LPP: variants seen among roughly 807,000 people sequenced by gnomAD.
LPP encodes LIM domain containing preferred translocation partner in lipoma.
A neutral mutation model predicts 60.4 loss-of-function variants in LPP; 38 were observed. The ratio of observed to expected loss-of-function variants is 0.63; its 90% CI spans 0.49 to 0.83. The LOEUF (loss-of-function observed/expected upper bound fraction) is 0.83. LPP is among the 40% of genes least tolerant of loss of function. The probability of loss-of-function intolerance (pLI) is 0.00; values close to 1 mark genes in which losing one functional copy is unlikely to be tolerated. For missense variants in LPP, 902 were observed against 783.6 expected (o/e 1.15, Z -1.80); for synonymous variants, 328 against 290.8 (o/e 1.13, Z -1.30).
chr3:188,720,454 A>G (rs886703159), intron 8 of LPP, among the ~76,000 whole-genome samples: 4 of 152,212 alleles, frequency 2.6e-5, no homozygotes, highest in Non-Finnish European at 4.4e-5. Flanking sequence ...TACTTGTGCC[A>G]TATAAAATGC....
chr3:188,386,180 T>C (rs1024279960), intron 3 of LPP, among the ~76,000 whole-genome samples: 2 of 151,352 alleles, frequency 1.3e-5, no homozygotes, highest in Non-Finnish European at 2.9e-5. Flanking sequence ...AAATAGGAAA[T>C]GATCTCACCA....
chr3:188,570,339 C>G (rs1414105040), intron 6 of LPP, among the ~76,000 whole-genome samples: 3 of 152,010 alleles, frequency 2.0e-5, no homozygotes, highest in Admixed American at 1.3e-4. Flanking sequence ...TTAAACTTCT[C>G]TCTCCTGGAA....
At chr3:188,227,406 C>T (rs142754553) in intron 2 of LPP, among the ~76,000 whole-genome samples, 2,419 of 134,348 alleles carry the variant, frequency 0.018, 55 homozygotes, top group African/African-American at 0.061. Flanking sequence ...TCTCATTGTT[C>T]AGTTCCCACC....
chr3:188,627,517 GTAAACCAACAATGA>G (rs1847064174), intron 7 of LPP, among the ~76,000 whole-genome samples: 1 of 152,008 alleles, frequency 6.6e-6, no homozygotes. Context: ...AAAACAGACT[GTAAACCAACAATGA>G]TTCAAAAGGA....
Position 188,659,778 on chromosome 3 carries a change from C to A in LPP, c.1114-48489C>A, listed in dbSNP as rs1222932337. ...TAGCTTATTCCATTTTCATTTTATA[C>A]TATTAGTTCTCCTTGTGGGGTTAGA... is the stretch of plus-strand genomic sequence containing the variant. On this transcript the variant is annotated intron_variant, in intron 7 of 11. Transcript: ENST00000617246. 2.0e-5 allele frequency among the ~76,000 whole-genome samples: 3 copies of A among 150,850 alleles called. No homozygotes were observed. In the Admixed American group the frequency reaches 2.0e-4, roughly 10 times the overall value.
chr3:188,721,918 T>C (rs973525858), intron 8 of LPP, among the ~76,000 whole-genome samples: 2 of 152,170 alleles, frequency 1.3e-5, no homozygotes, highest in African/African-American at 4.8e-5. Context: ...ACATGAACTA[T>C]TGTGATCCTT....
intron 2 of LPP, among the ~76,000 whole-genome samples, chr3:188,295,150 C>T (rs9832929): frequency 0.17 from 25,236 of 152,180 alleles, 2,322 homozygotes; most frequent in East Asian, 0.34. Context: ...ACAAACAGTT[C>T]TCTTTGATTA....
chr3:188,161,758 G>A (rs934020846), intron 1 of LPP, among the ~76,000 whole-genome samples: 6 of 152,138 alleles, frequency 3.9e-5, no homozygotes, highest in Non-Finnish European at 8.8e-5. Context: ...TCTCTGCTTT[G>A]GAGAATTTTA....
chr3:188,830,307 A>T (rs896796875), intron 9 of LPP, among the ~76,000 whole-genome samples: 122 of 134,726 alleles, frequency 9.1e-4, no homozygotes, highest in African/African-American at 3.1e-3. Flanking sequence ...AGCACTATTT[A>T]AAAAAAAAAA....
chr3:188,843,265 G>C (rs1760484286), intron 9 of LPP, among the ~76,000 whole-genome samples: 1 of 152,150 alleles, frequency 6.6e-6, no homozygotes, highest in South Asian at 2.1e-4. Flanking sequence ...ATGGACCTTT[G>C]CTTCTCACAG....
intron 9 of LPP, among the ~76,000 whole-genome samples, chr3:188,802,488 T>C (rs951014205): frequency 6.6e-6 from 1 of 152,138 alleles, no homozygotes; most frequent in African/African-American, 2.4e-5. Flanking sequence ...TTTTAAAAAA[T>C]AATAGCTTTA....
In LPP at chr3:188,484,587, T is replaced by C. The variant is rs1805780212; in HGVS notation, c.194-5T>C. The C allele has an allele frequency of 6.3e-7, 1 of 1,593,540 alleles. No individual in the cohort carries two copies. The highest frequency in any genetic ancestry group is 8.6e-7 in the Non-Finnish European group (1 of 1,161,688). ...AACTTCATGTTGTTTACTTCTTTTC[T>C]GTAGGTGATTTTCTTCCACCCCCAC... On this transcript the variant is annotated splice_region_variant and splice_polypyrimidine_tract_variant and intron_variant, in intron 4 of 11. Coordinates refer to ENST00000617246, the MANE Select transcript of LPP (RefSeq NM_001375462.1).
chr3:188,292,945 A>T (rs918076668), intron 2 of LPP, among the ~76,000 whole-genome samples: 3 of 152,172 alleles, frequency 2.0e-5, no homozygotes, highest in African/African-American at 4.8e-5. Context: ...CTACATTCTC[A>T]TGGAAGTCTA....
intron 2 of LPP, among the ~76,000 whole-genome samples, chr3:188,287,353 G>A (rs769059876): frequency 2.0e-4 from 30 of 152,204 alleles, no homozygotes; most frequent in Admixed American, 2.0e-4. Context: ...TAAACAGTGG[G>A]CTCCAGAAGG....
intron 9 of LPP, among the ~76,000 whole-genome samples, chr3:188,823,685 A>C (rs1321376108): frequency 6.6e-6 from 1 of 152,214 alleles, no homozygotes; most frequent in Non-Finnish European, 1.5e-5. Flanking sequence ...AGAATAACAG[A>C]AGAAATATGT....
At position 188,437,842 on chromosome 3, in the gene LPP, T is replaced by G. The variant is rs367844023; in HGVS notation, c.193+31529T>G. ...TGAGAAGCTAGACATGTTGAAGAAA[T>G]TGGGAGCATGCTATTACTAGCTTCT... On this transcript the variant is annotated intron_variant, in intron 4 of 11. Coordinates refer to ENST00000617246, the MANE Select transcript of LPP (RefSeq NM_001375462.1). 6.2e-4 allele frequency among the ~76,000 whole-genome samples: 95 copies of G among 152,266 alleles called. 3 individuals carry two copies. In the South Asian group the frequency reaches 0.018, roughly 29 times the overall value.
At chr3:188,574,927 T>C (rs1370194762) in intron 6 of LPP, among the ~76,000 whole-genome samples, 1 of 152,166 alleles carries the variant, frequency 6.6e-6, no homozygotes, top group African/African-American at 2.4e-5. Flanking sequence ...TCCCCCTTTT[T>C]TTCATCACTG....
chr3:188,553,634 A>C (rs970254192), intron 6 of LPP: 1 of 152,238 alleles, frequency 6.6e-6, no homozygotes, highest in Non-Finnish European at 1.5e-5. Context: ...TTTGTTCAAG[A>C]ATGATTCATA....
intron 8 of LPP, among the ~76,000 whole-genome samples, chr3:188,755,192 G>A (rs1476500120): frequency 6.6e-6 from 1 of 152,198 alleles, no homozygotes; most frequent in African/African-American, 2.4e-5. Flanking sequence ...TGCTTAAAAT[G>A]TCTATTATAA....
Sources: gnomAD v4.1 joint callset for allele counts (sites outside exome capture counted in the v4.1 genomes callset) on GRCh38, gnomAD v4.1.1 for gene constraint, MANE v1.5 for transcripts, NCBI Gene and HGNC (gene_info 2026-07-23, HGNC 2026-07-21) for gene names.